Variants in TRAF2 observed in about 807,000 individuals in gnomAD.
TRAF2 encodes the protein TNF receptor-associated factor 2.
In TRAF2, 6 loss-of-function variants were observed where a neutral mutation model predicts 55.6. The ratio of observed to expected loss-of-function variants is 0.11; its 90% CI spans 0.06 to 0.21. The LOEUF (loss-of-function observed/expected upper bound fraction) is 0.21. Among genes scored for constraint, TRAF2 ranks in the 10% least tolerant of loss-of-function variants. The pLI is 1.00. For missense variants in TRAF2, 561 were observed against 684.5 expected, an observed-to-expected ratio of 0.82 and a Z score of 2.01; for synonymous variants, 329 against 276.3, an observed-to-expected ratio of 1.19 and a Z score of -1.89.
At position 136,925,989 on chromosome 9, in the gene TRAF2, T is replaced by C. The variant is rs764922725; in HGVS notation, c.*88T>C. 1 of 1,517,808 alleles carries C rather than the reference T, an allele frequency of 6.6e-7. No homozygotes were observed. The highest frequency in any genetic ancestry group is 9.1e-7 in the Non-Finnish European group (1 of 1,101,880). The allele number at this position is 1,517,808 out of a possible 1,614,324, so 94.0% of individuals were successfully genotyped here. A position where few individuals can be genotyped will look rare whatever the true frequency, so the allele number is the denominator to read the frequency against. On this transcript the variant is annotated 3_prime_UTR_variant, in exon 11 of 11. Coordinates refer to ENST00000247668, the MANE Select transcript of TRAF2 (RefSeq NM_021138.4). ...ACCACGCTGGGCCAGGGTCTCACTG[T>C]ACAAGTGGGCAGGGGCCGCGCTTGG...
chr9:136,896,812 G>GA, intron 1 of TRAF2, among the ~76,000 whole-genome samples: 1 of 152,336 alleles, frequency 6.6e-6, no homozygotes, highest in East Asian at 1.9e-4. Flanking sequence ...GTTTCACCGT[G>GA]TTAGCCAGGA....
Position 136,886,548 on chromosome 9 carries a change from C to G in TRAF2, c.-29+7C>G. The G allele has an allele frequency of 3.0e-6, 3 of 984,036 alleles. No individual in the cohort carries two copies. The highest frequency in any genetic ancestry group is 3.6e-5 in the African/African-American group (2 of 55,672). The allele number at this position is 984,036 out of a possible 1,614,324, so 61.0% of individuals were successfully genotyped here. ...GGCGCGCTGCGACCGTTGGGTGAGG[C>G]GAGCGCGGGGTCGGGTGCGGGGTCG... On this transcript the variant is annotated splice_region_variant and intron_variant, in intron 1 of 10. Transcript: ENST00000247668.
At chr9:136,925,120 C>T (rs1332804645) in intron 10 of TRAF2, among the ~76,000 whole-genome samples, 1 of 152,204 alleles carries the variant, frequency 6.6e-6, no homozygotes, top group Non-Finnish European at 1.5e-5. Flanking sequence ...CTTCCTTTTG[C>T]CACAGTTGGC....
intron 1 of TRAF2, among the ~76,000 whole-genome samples, chr9:136,898,206 TCCTGAGTGCCTTCAGAG>T (rs1231137212): frequency 6.6e-5 from 10 of 152,244 alleles, no homozygotes; most frequent in Non-Finnish European, 1.5e-4. Context: ...CATGGCTCTC[TCCTGAGTGCCTTCAGAG>T]CCTGAGTGCC....
At chr9:136,907,611 C>T (rs185291514) in intron 4 of TRAF2, among the ~76,000 whole-genome samples, 3 of 152,326 alleles carry the variant, frequency 2.0e-5, no homozygotes, top group East Asian at 1.9e-4. Flanking sequence ...TACCTCTTCA[C>T]ACCTCCCACC....
At chr9:136,906,911 T>C (rs192458682) in intron 4 of TRAF2, among the ~76,000 whole-genome samples, 1 of 152,320 alleles carries the variant, frequency 6.6e-6, no homozygotes, top group East Asian at 1.9e-4. Flanking sequence ...TGCTGCGGCT[T>C]CCCAACCTTA....
At chr9:136,888,166 C>T (rs916489249) in intron 1 of TRAF2, among the ~76,000 whole-genome samples, 2 of 152,138 alleles carry the variant, frequency 1.3e-5, no homozygotes, top group African/African-American at 4.8e-5. Context: ...CCACCGCGCC[C>T]GGCCATGAAA....
chr9:136,886,841 C>T (rs985340319), intron 1 of TRAF2: 1 of 157,130 alleles, frequency 6.4e-6, no homozygotes, highest in African/African-American at 2.4e-5. Context: ...TCGCGGCTCC[C>T]AGTACCGCCT....
At chr9:136,898,514 C>G (rs17243802) in intron 1 of TRAF2, 199 bp from the exon 2 acceptor site, 7 of 923,796 alleles carry the variant, frequency 7.6e-6, no homozygotes, top group East Asian at 2.3e-4. Context: ...GCCTGAGTTT[C>G]CATACTAGCG....
intron 1 of TRAF2, among the ~76,000 whole-genome samples, chr9:136,888,432 A>G (rs1195468419): frequency 2.0e-5 from 3 of 152,096 alleles, no homozygotes; most frequent in African/African-American, 4.8e-5. Flanking sequence ...CTCCATCTCA[A>G]AAAGAATCGG....
At position 136,908,191 on chromosome 9, in the gene TRAF2, G is replaced by T. The variant is rs1280977126; in HGVS notation, c.488G>T (p.Cys163Phe). Residue 163 changes from cysteine (C) to phenylalanine (F), a missense_variant, in exon 5 of 11, where the codon TGC becomes TTC. Physicochemically the swap from Cys to Phe is radical, Grantham distance 205. This residue lies in a region of TRAF2 where 426 missense variants were observed against 476.8 expected (regional missense o/e 0.89). Coordinates refer to ENST00000247668, the MANE Select transcript of TRAF2 (RefSeq NM_021138.4). ...GAGTGCCCGGAGAGAAGCCTGAGCTGCCGGCATTGCCGGGCACCCTGCTGC... is the reference window on the plus strand; with the variant it reads ...GAGTGCCCGGAGAGAAGCCTGAGCTTCCGGCATTGCCGGGCACCCTGCTGC... ...EHECPERSLS[C>F]RHCRAPCCGA... is the part of the protein sequence containing the mutation. 3 of 1,599,256 alleles carry T rather than the reference G, an allele frequency of 1.9e-6. No individual in the cohort carries two copies. In the East Asian group the frequency reaches 6.7e-5, roughly 36 times the overall value.
At chr9:136,904,416 A>T (rs980578320) in intron 4 of TRAF2, among the ~76,000 whole-genome samples, 2 of 151,156 alleles carry the variant, frequency 1.3e-5, no homozygotes, top group African/African-American at 2.4e-5. Flanking sequence ...TTATTTTTTT[A>T]TTTATTTGAG....
intron 2 of TRAF2, among the ~76,000 whole-genome samples, 176 bp from the exon 3 acceptor site, chr9:136,899,418 C>T (rs1273368262): frequency 6.6e-6 from 1 of 152,228 alleles, no homozygotes; most frequent in Admixed American, 6.5e-5. Flanking sequence ...AAACAGTGTG[C>T]TGTGAATACT....
At position 136,909,604 on chromosome 9, in the gene TRAF2, C is replaced by T. The variant is rs192890365; in HGVS notation, c.529-316C>T. 5.5e-4 allele frequency among the ~76,000 whole-genome samples: 84 copies of T among 152,346 alleles called. 3 individuals are homozygous for T. The East Asian group carries it at 0.015, about 28-fold the overall frequency. ...ATCCGCCAGGCCCTCCCACCGGCCT[C>T]GCCTCCCAGCGGGAGCAGCGTTTCC... On this transcript the variant is annotated intron_variant, in intron 5 of 10. Coordinates refer to ENST00000247668, the MANE Select transcript of TRAF2 (RefSeq NM_021138.4).
chr9:136,925,977 A>G lies in TRAF2; in HGVS notation c.*76A>G, dbSNP rs1289443554. 2 of 1,554,054 alleles carry G rather than the reference A, an allele frequency of 1.3e-6. No individual in the cohort carries two copies. Among genetic ancestry groups the G allele is most frequent in the African/African-American group, 1.4e-5 (1 of 73,770 alleles). On this transcript the variant is annotated 3_prime_UTR_variant, in exon 11 of 11. Coordinates refer to ENST00000247668, the MANE Select transcript of TRAF2 (RefSeq NM_021138.4). ...CACGGAGGGGCCACCACGCTGGGCC[A>G]GGGTCTCACTGTACAAGTGGGCAGG...
chr9:136,903,192 C>G lies in TRAF2; in HGVS notation c.366+2672C>G, dbSNP rs576653256. ...TCTTGAACTCCTTACCTCAAGTGAT[C>G]CATCCACCTTGGCCTCCCAAAGTGC... On this transcript the variant is annotated intron_variant, in intron 4 of 10. Coordinates refer to ENST00000247668, the MANE Select transcript of TRAF2 (RefSeq NM_021138.4). Among the ~76,000 whole-genome samples, 73 of 152,328 alleles carry G rather than the reference C, an allele frequency of 4.8e-4. No homozygotes were observed. In the South Asian group the frequency reaches 8.3e-3, roughly 17 times the overall value.
chr9:136,905,978 G>A (rs764966214), intron 4 of TRAF2, among the ~76,000 whole-genome samples: 7 of 152,136 alleles, frequency 4.6e-5, no homozygotes, highest in Admixed American at 6.6e-5. Flanking sequence ...GGTGGCGGGC[G>A]CCCGTAGTCC....
intron 1 of TRAF2, among the ~76,000 whole-genome samples, chr9:136,892,435 G>A (rs1008991007): frequency 1.3e-5 from 2 of 152,120 alleles, no homozygotes; most frequent in East Asian, 1.9e-4. Context: ...CTGCACTCCC[G>A]CCTGGGCGAC....
At chr9:136,883,283 G>A (rs966415447), upstream of TRAF2, among the ~76,000 whole-genome samples, 8 of 152,278 alleles carry the variant, frequency 5.3e-5, no homozygotes, top group East Asian at 1.9e-4. Flanking sequence ...TGGGCGGCAC[G>A]GGGCAGTCAT....
Sources: allele counts gnomAD v4.1 joint callset (sites outside exome capture counted in the v4.1 genomes callset), GRCh38; gene constraint gnomAD v4.1.1; regional missense constraint gnomAD v4.1.1; transcripts MANE v1.5; gene names NCBI Gene and HGNC (gene_info 2026-07-23, HGNC 2026-07-21).